The following ROBO1 variants were observed in gnomAD, a reference collection of about 807,000 sequenced individuals.
The protein encoded by ROBO1 is roundabout homolog 1.
Under a neutral mutation model 195.9 loss-of-function variants are expected in ROBO1, and 149 were observed. The observed-to-expected ratio is 0.76, with a 90% CI of 0.67 to 0.87. The LOEUF is 0.87. Among genes scored for constraint, ROBO1 ranks in the 40% least tolerant of loss-of-function variants. ROBO1 has a pLI of 0.00. For synonymous variants in ROBO1, 816 were observed against 733.2 expected, an observed-to-expected ratio of 1.11 and a Z score of -1.82; for missense variants, 1,933 against 2,068.3, an observed-to-expected ratio of 0.93 and a Z score of 1.27.
intron 2 of ROBO1, among the ~76,000 whole-genome samples, chr3:79,284,668 C>G (rs2109011669): frequency 6.6e-6 from 1 of 152,138 alleles, no homozygotes; most frequent in African/African-American, 2.4e-5. Flanking sequence ...AAAGTAGAAA[C>G]TTGAGCTGGA....
intron 2 of ROBO1, among the ~76,000 whole-genome samples, chr3:79,238,231 T>A (rs2082450299): frequency 6.6e-6 from 1 of 152,238 alleles, no homozygotes; most frequent in Non-Finnish European, 1.5e-5. Flanking sequence ...CTGAGCAAGT[T>A]GAGTATAATG....
chr3:79,680,270 G>T (rs184119860), intron 1 of ROBO1, among the ~76,000 whole-genome samples: 1 of 151,906 alleles, frequency 6.6e-6, no homozygotes, highest in Non-Finnish European at 1.5e-5. Context: ...AATGGAGCAC[G>T]CAATGCTACC....
intron 2 of ROBO1, among the ~76,000 whole-genome samples, chr3:79,586,203 T>C (rs1304658695): frequency 4.6e-5 from 7 of 151,946 alleles, no homozygotes; most frequent in African/African-American, 1.7e-4. Flanking sequence ...AAAACAAAAC[T>C]TAGAAATACA....
intron 3 of ROBO1, among the ~76,000 whole-genome samples, chr3:79,114,045 A>G (rs2079944223): frequency 6.6e-6 from 1 of 152,070 alleles, no homozygotes; most frequent in South Asian, 2.1e-4. Flanking sequence ...AATCTGATAA[A>G]TGGTTTTATA....
At chr3:78,869,772 T>G (rs2035440420) in intron 4 of ROBO1, among the ~76,000 whole-genome samples, 1 of 152,164 alleles carries the variant, frequency 6.6e-6, no homozygotes, top group African/African-American at 2.4e-5. Context: ...CATATTTATT[T>G]AAACTACCTC....
At chr3:79,440,980 A>G (rs7613338) in intron 2 of ROBO1, among the ~76,000 whole-genome samples, 5,233 of 152,284 alleles carry the variant, frequency 0.034, 206 homozygotes, top group African/African-American at 0.098. Context: ...AAATAAAAAA[A>G]CATTAATATC....
At chr3:79,349,149 T>C (rs1211930224) in intron 2 of ROBO1, among the ~76,000 whole-genome samples, 1 of 152,146 alleles carries the variant, frequency 6.6e-6, no homozygotes, top group Non-Finnish European at 1.5e-5. Flanking sequence ...CATTCATGAA[T>C]TATGGGTTTA....
At chr3:79,092,025 C>T (rs931093540) in intron 3 of ROBO1, among the ~76,000 whole-genome samples, 3 of 152,080 alleles carry the variant, frequency 2.0e-5, no homozygotes, top group Non-Finnish European at 1.5e-5. Flanking sequence ...TGAGAATAGA[C>T]TGTAGGGGGC....
chr3:79,194,435 TACG>T (rs1241753175), intron 2 of ROBO1, among the ~76,000 whole-genome samples: 2 of 151,624 alleles, frequency 1.3e-5, no homozygotes, highest in Non-Finnish European at 3.0e-5. Flanking sequence ...AATTTCTTTA[TACG>T]ACGTCACTTT....
intron 2 of ROBO1, among the ~76,000 whole-genome samples, chr3:79,481,411 A>G (rs2107381185): frequency 6.6e-6 from 1 of 152,302 alleles, no homozygotes; most frequent in South Asian, 2.1e-4. Flanking sequence ...TTTATCAATG[A>G]CTTCATCTGT....
intron 2 of ROBO1, among the ~76,000 whole-genome samples, chr3:79,277,096 A>T (rs2031100521): frequency 6.6e-6 from 1 of 152,056 alleles, no homozygotes; most frequent in African/African-American, 2.4e-5. Flanking sequence ...CTATCATATG[A>T]TGCAGCAATC....
chr3:79,096,551 G>A (rs924347101), intron 3 of ROBO1, among the ~76,000 whole-genome samples: 4 of 151,548 alleles, frequency 2.6e-5, no homozygotes, highest in Non-Finnish European at 4.4e-5. Flanking sequence ...TCTCATTTCA[G>A]GCAAACTGAA....
chr3:78,938,583 A>G lies in ROBO1; in HGVS notation c.499+18T>C. The G allele has an allele frequency of 6.3e-7, 1 of 1,589,184 alleles. No homozygotes were observed. Among genetic ancestry groups the G allele is most frequent in the Non-Finnish European group, 8.6e-7 (1 of 1,164,694 alleles). On this transcript the variant is annotated intron_variant, in intron 4 of 30. Coordinates refer to ENST00000464233, the MANE Select transcript of ROBO1 (RefSeq NM_002941.4). ...CTGCCACTCCCTCTGCCAAACACAG[A>G]GCGCCCAGTTTACTTACTGGCTACT...
chr3:78,694,251 T>A (rs898414533), intron 8 of ROBO1, among the ~76,000 whole-genome samples: 1 of 152,158 alleles, frequency 6.6e-6, no homozygotes, highest in African/African-American at 2.4e-5. Context: ...TACTGCCAAA[T>A]GCAGAACTTT....
intron 2 of ROBO1, among the ~76,000 whole-genome samples, chr3:79,523,446 T>C (rs1414461918): frequency 6.6e-6 from 1 of 150,934 alleles, no homozygotes; most frequent in Non-Finnish European, 1.5e-5. Context: ...AAAAATAGAC[T>C]TTGCATTTTT....
At chr3:79,690,905 T>C (rs900362469) in intron 1 of ROBO1, among the ~76,000 whole-genome samples, 3 of 151,904 alleles carry the variant, frequency 2.0e-5, no homozygotes, top group Non-Finnish European at 4.4e-5. Flanking sequence ...AAGGTAGCAT[T>C]GGGTAGTAAC....
chr3:79,162,048 AT>A (rs995864842), intron 2 of ROBO1, among the ~76,000 whole-genome samples: 8 of 151,206 alleles, frequency 5.3e-5, no homozygotes, highest in South Asian at 4.2e-4. Context: ...TCTCAAGTTC[AT>A]TTTTTTTTCT....
intron 1 of ROBO1, among the ~76,000 whole-genome samples, chr3:79,715,424 C>T (rs914634195): frequency 3.3e-5 from 5 of 152,144 alleles, no homozygotes; most frequent in Admixed American, 6.5e-5. Context: ...CAGATGGAGG[C>T]GAGACACTCT....
chr3:78,712,017 C>CAAAAAAAAAAAAAA (rs56267632), intron 8 of ROBO1, among the ~76,000 whole-genome samples: 6 of 76,418 alleles, frequency 7.9e-5, no homozygotes, highest in Non-Finnish European at 1.5e-4. Flanking sequence ...AAGACCTTGG[C>CAAAAAAAAAAAAAA]AAAAAAAAAA....
Sources: gnomAD v4.1 joint callset for allele counts (sites outside exome capture counted in the v4.1 genomes callset) on GRCh38, gnomAD v4.1.1 for gene constraint, MANE v1.5 for transcripts, NCBI Gene and HGNC (gene_info 2026-07-23, HGNC 2026-07-21) for gene names.